TMEM91: variants seen among roughly 807,000 people sequenced by gnomAD.
TMEM91 encodes transmembrane protein 91.
TMEM91 carries 6 observed loss-of-function variants against 13.3 expected under a neutral mutation model. The observed-to-expected ratio is 0.45, with a 90% confidence interval of 0.25 to 0.89. The LOEUF is 0.89. Ranked by LOEUF, TMEM91 falls within the 40% of genes least tolerant of loss-of-function variation. The probability of loss-of-function intolerance (pLI) is 0.19; values close to 1 mark genes in which losing one functional copy is unlikely to be tolerated. For synonymous variants in TMEM91, 87 were observed against 101.7 expected, an observed-to-expected ratio of 0.86 and a Z score of 0.87; for missense variants, 193 against 228.7, an observed-to-expected ratio of 0.84 and a Z score of 1.01.
chr19:41,365,601 C>T (rs1019356912), intron 1 of TMEM91, among the ~76,000 whole-genome samples: 2 of 151,608 alleles, frequency 1.3e-5, no homozygotes, highest in Admixed American at 6.6e-5. Flanking sequence ...GACGGGTTTT[C>T]ACCATATTGG....
chr19:41,372,862 C>G (rs2038646002), upstream of TMEM91, among the ~76,000 whole-genome samples: 1 of 152,132 alleles, frequency 6.6e-6, no homozygotes, highest in Admixed American at 6.6e-5. Flanking sequence ...TTTATCAAAT[C>G]AGATTTTCAC....
chr19:41,371,369 CTTT>C lies in TMEM91; in HGVS notation c.-29-6911_-29-6909del, dbSNP rs1568489510. ...TCCTTCCTTCCTTCCTTCCTTCCTT[CTTT>C]CCTTCCTTCCTTCTTTCCTTCCTCC... On this transcript the variant is annotated intron_variant, in intron 1 of 3. Coordinates refer to the TMEM91 transcript ENST00000413014. 6.9e-4 allele frequency among the ~76,000 whole-genome samples: 92 copies of C among 134,120 alleles called. 1 individual carries two copies. The highest frequency in any genetic ancestry group is 3.7e-3 in the Middle Eastern group (1 of 270). 88.0% of individuals were successfully genotyped at this position (134,120 alleles called of 152,430 possible). A position where few individuals can be genotyped will look rare whatever the true frequency, so the allele number is the denominator to read the frequency against.
chr19:41,375,273 CTTTTTTTTTT>C (rs906641411), upstream of TMEM91, among the ~76,000 whole-genome samples: 4 of 58,658 alleles, frequency 6.8e-5, no homozygotes, highest in African/African-American at 1.4e-4. Context: ...ATTTTCTTTT[CTTTTTTTTTT>C]TTTTTTTTTT....
At chr19:41,369,294 C>A (rs2038576105) in intron 1 of TMEM91, among the ~76,000 whole-genome samples, 1 of 152,128 alleles carries the variant, frequency 6.6e-6, no homozygotes, top group African/African-American at 2.4e-5. Context: ...TCTCCTGCCT[C>A]AGCCTCCCAA....
At chr19:41,372,388 C>T (rs186633999), upstream of TMEM91, among the ~76,000 whole-genome samples, 270 of 152,042 alleles carry the variant, frequency 1.8e-3, 3 homozygotes, top group African/African-American at 6.3e-3. Context: ...TACTGTGTTG[C>T]CCAGGCTGGC....
chr19:41,378,052 AAG>A (rs1232266673), intron 1 of TMEM91, among the ~76,000 whole-genome samples: 17 of 150,096 alleles, frequency 1.1e-4, no homozygotes, highest in Non-Finnish European at 1.9e-4. Flanking sequence ...AAAAAAAAAA[AAG>A]AGAGAGAGAG....
rs905753819 is a variant in TMEM91, at chr19:41,384,082, A to C, written c.*209A>C. On this transcript the variant is annotated 3_prime_UTR_variant, in exon 4 of 4. Coordinates refer to ENST00000392002, the MANE Select transcript of TMEM91 (RefSeq NM_001098821.2). ...TAAACACCAGACACCCTTGCAGCCAAACCAGAGTCTGTTCGCGTGTGTGGG... is the reference window on the plus strand; with the variant it reads ...TAAACACCAGACACCCTTGCAGCCACACCAGAGTCTGTTCGCGTGTGTGGG... The C allele has an allele frequency of 1.7e-5, 16 of 915,110 alleles. No individual in the cohort carries two copies. The highest frequency in any genetic ancestry group is 2.5e-5 in the Non-Finnish European group (16 of 647,386). The allele number at this position is 915,110 out of a possible 1,614,324, so 56.7% of individuals were successfully genotyped here.
At chr19:41,371,743 A>C (rs2038627766), upstream of TMEM91, among the ~76,000 whole-genome samples, 1 of 152,036 alleles carries the variant, frequency 6.6e-6, no homozygotes, top group Admixed American at 6.6e-5. Context: ...GTCTCTGTGA[A>C]TGTGACTACT....
At chr19:41,383,018 G>A in intron 3 of TMEM91, 97 bp downstream of exon 3, 1 of 1,510,562 alleles carries the variant, frequency 6.6e-7, no homozygotes, top group South Asian at 1.3e-5. Context: ...GAAGGTGGAA[G>A]GTAGCCCAGA....
intron 1 of TMEM91, among the ~76,000 whole-genome samples, chr19:41,364,630 C>G (rs1038006548): frequency 2.6e-5 from 4 of 151,992 alleles, no homozygotes; most frequent in Admixed American, 6.6e-5. Flanking sequence ...CTAGGTTTCT[C>G]AAGGACAAGG....
upstream of TMEM91, among the ~76,000 whole-genome samples, chr19:41,372,055 G>A (rs1298752097): frequency 6.6e-6 from 1 of 151,510 alleles, no homozygotes; most frequent in Non-Finnish European, 1.5e-5. Context: ...GAGAGAGGGT[G>A]GTCTCAGTGG....
At position 41,382,890 on chromosome 19, in the gene TMEM91, T is replaced by C. The variant is rs945852693; in HGVS notation, c.329T>C (p.Val110Ala). The C allele has an allele frequency of 3.7e-6, 6 of 1,614,068 alleles. No individual in the cohort carries two copies. The African/African-American group carries it at 5.3e-5, about 14-fold the overall frequency. The part of the protein sequence containing the change: ...VFSMLCCFWP[V>A]GIAAFCLAQK... Reference sequence around the variant, plus strand: ...TCCATGCTGTGTTGTTTCTGGCCCGTTGGCATCGCTGCCTTCTGTCTAGCC... The same window carrying C: ...TCCATGCTGTGTTGTTTCTGGCCCGCTGGCATCGCTGCCTTCTGTCTAGCC... The change falls in exon 3 of 4, where the codon GTT (valine) becomes GCT (alanine). Residue 110 changes from valine to alanine, a missense_variant. Transcript: ENST00000392002.
At chr19:41,366,466 C>G (rs529057189) in intron 1 of TMEM91, among the ~76,000 whole-genome samples, 1 of 152,282 alleles carries the variant, frequency 6.6e-6, no homozygotes, top group Non-Finnish European at 1.5e-5. Flanking sequence ...GCCAACCCCT[C>G]TAGTTTGCAC....
chr19:41,382,730 A>G (rs954160337), intron 2 of TMEM91, 42 bp from the exon 3 acceptor site: 2 of 1,595,706 alleles, frequency 1.3e-6, no homozygotes, highest in African/African-American at 1.3e-5. Context: ...GGGGCAGGAA[A>G]GGTGGATGGA....
chr19:41,382,997 A>T, intron 3 of TMEM91, 76 bp downstream of exon 3: 1 of 1,558,440 alleles, frequency 6.4e-7, no homozygotes, highest in Non-Finnish European at 8.7e-7. Context: ...AGAGCCATAT[A>T]CCTGAGGCGG....
upstream of TMEM91, among the ~76,000 whole-genome samples, chr19:41,372,071 G>A (rs754328576): frequency 2.7e-5 from 4 of 150,896 alleles, no homozygotes; most frequent in South Asian, 6.3e-4. Context: ...AGTGGCTCCC[G>A]CCTGTAATCA....
chr19:41,367,269 G>A (rs137915287), intron 1 of TMEM91, among the ~76,000 whole-genome samples: 205 of 152,320 alleles, frequency 1.3e-3, no homozygotes, highest in African/African-American at 4.5e-3. Flanking sequence ...GGAAGATTGC[G>A]TTAACATTCT....
chr19:41,371,853 A>AT (rs1022946755), upstream of TMEM91, among the ~76,000 whole-genome samples: 5 of 152,042 alleles, frequency 3.3e-5, no homozygotes, highest in Admixed American at 2.6e-4. Flanking sequence ...AGGTCATAGC[A>AT]TGCAACAGGA....
chr19:41,380,913 CAAA>C (rs35462984), intron 2 of TMEM91, among the ~76,000 whole-genome samples: 43 of 67,470 alleles, frequency 6.4e-4, no homozygotes, highest in African/African-American at 1.5e-3. Context: ...AACTCTGTCT[CAAA>C]AAAAAAAAAA....
Sources: allele counts gnomAD v4.1 joint callset (sites outside exome capture counted in the v4.1 genomes callset), GRCh38; gene constraint gnomAD v4.1.1; transcripts MANE v1.5; gene names NCBI Gene and HGNC (gene_info 2026-07-23, HGNC 2026-07-21).